Variants in ARSB observed in about 807,000 individuals in gnomAD.
The protein encoded by ARSB is arylsulfatase B.
ARSB carries 41 observed loss-of-function variants against 50.9 expected under a neutral mutation model. That is an observed-to-expected ratio of 0.81 (90% CI 0.63 to 1.04). ARSB has a LOEUF of 1.04. Ranked by LOEUF, ARSB falls within the 50% of genes least tolerant of loss-of-function variation. The pLI, the probability that ARSB is intolerant of heterozygous loss-of-function variation, is 0.00. For synonymous variants in ARSB, 269 were observed against 284.8 expected, an observed-to-expected ratio of 0.94 and a Z score of 0.56; for missense variants, 672 against 693.3, an observed-to-expected ratio of 0.97 and a Z score of 0.35.
chr5:78,819,071 T>C (rs575726717), intron 6 of ARSB, among the ~76,000 whole-genome samples: 1 of 152,256 alleles, frequency 6.6e-6, no homozygotes, highest in East Asian at 1.9e-4. Flanking sequence ...TGAGATTTCC[T>C]TTGCTGTTAG....
rs571015551 is a variant in ARSB, at chr5:78,958,006, A to T, written c.691-2504T>A. Among the ~76,000 whole-genome samples the T allele has an allele frequency of 2.0e-5, 3 of 151,568 alleles. No homozygotes were observed. The South Asian group carries it at 6.3e-4, about 32-fold the overall frequency. On this transcript the variant is annotated intron_variant, in intron 3 of 7. Transcript: ENST00000264914. Reference sequence around the variant, plus strand: ...ATATCACATCGATCTGTTTTTATATAAAAAAACTTTTTTGGAAAAATCAGA... The same window carrying T: ...ATATCACATCGATCTGTTTTTATATTAAAAAACTTTTTTGGAAAAATCAGA...
At chr5:78,791,574 G>A (rs1341286278) in intron 6 of ARSB, among the ~76,000 whole-genome samples, 1 of 152,202 alleles carries the variant, frequency 6.6e-6, no homozygotes, top group Non-Finnish European at 1.5e-5. Flanking sequence ...GAGCGACTGC[G>A]CTGGTGCACA....
intron 6 of ARSB, among the ~76,000 whole-genome samples, chr5:78,828,410 CA>C (rs1744529184): frequency 6.6e-6 from 1 of 152,146 alleles, no homozygotes; most frequent in African/African-American, 2.4e-5. Flanking sequence ...CTTTGTCCCC[CA>C]AATAGGCTCA....
intron 4 of ARSB, among the ~76,000 whole-genome samples, chr5:78,939,556 G>C (rs959416403): frequency 5.5e-4 from 83 of 152,150 alleles, no homozygotes; most frequent in Middle Eastern, 3.4e-3. Flanking sequence ...CTTTGCGATA[G>C]ATTGCTGAAA....
intron 4 of ARSB, among the ~76,000 whole-genome samples, chr5:78,893,574 C>T (rs889795580): frequency 2.6e-5 from 4 of 152,186 alleles, no homozygotes; most frequent in Admixed American, 6.5e-5. Context: ...AACGTTTATT[C>T]TCTACAAGTT....
chr5:78,809,529 A>C (rs1490499686), intron 6 of ARSB, among the ~76,000 whole-genome samples: 3 of 152,252 alleles, frequency 2.0e-5, no homozygotes, highest in African/African-American at 7.2e-5. Flanking sequence ...GAGCACGTTC[A>C]GGGAGGAGGG....
At chr5:78,796,889 T>C (rs1463225629) in intron 6 of ARSB, among the ~76,000 whole-genome samples, 1 of 149,500 alleles carries the variant, frequency 6.7e-6, no homozygotes, top group Non-Finnish European at 1.5e-5. Context: ...CTTTTTTTTT[T>C]TTTTTTGAGA....
At chr5:78,870,148 G>A (rs2112145707) in intron 5 of ARSB, among the ~76,000 whole-genome samples, 1 of 148,240 alleles carries the variant, frequency 6.7e-6, no homozygotes, top group East Asian at 2.0e-4. Context: ...CCAATAACAG[G>A]AGCTGAAATT....
intron 6 of ARSB, chr5:78,817,050 T>C (rs1161584631): frequency 1.0e-6 from 1 of 982,794 alleles, no homozygotes; most frequent in Non-Finnish European, 1.2e-6. Flanking sequence ...TATACAGCGA[T>C]AGGAAATAAA....
chr5:78,957,764 T>C (rs1375435960), intron 3 of ARSB, among the ~76,000 whole-genome samples: 2 of 151,990 alleles, frequency 1.3e-5, no homozygotes, highest in African/African-American at 4.8e-5. Flanking sequence ...CTGGGGGTGA[T>C]GAAGGTCTTG....
intron 4 of ARSB, among the ~76,000 whole-genome samples, chr5:78,933,524 G>A (rs1331353054): frequency 6.6e-6 from 1 of 152,176 alleles, no homozygotes; most frequent in Non-Finnish European, 1.5e-5. Context: ...AATGGCGATA[G>A]AGTCGCTATT....
chr5:78,917,350 C>T (rs1454212392), intron 4 of ARSB, among the ~76,000 whole-genome samples: 1 of 152,156 alleles, frequency 6.6e-6, no homozygotes, highest in Non-Finnish European at 1.5e-5. Context: ...CATTACTTCT[C>T]TCTCATTATC....
chr5:78,855,893 T>C (rs1310700463), intron 5 of ARSB, among the ~76,000 whole-genome samples: 2 of 152,226 alleles, frequency 1.3e-5, no homozygotes, highest in East Asian at 1.9e-4. Flanking sequence ...CCATTCTCTA[T>C]GTGGCCATCC....
chr5:78,875,714 C>G (rs1346572842), intron 5 of ARSB, among the ~76,000 whole-genome samples: 4 of 151,768 alleles, frequency 2.6e-5, no homozygotes, highest in Non-Finnish European at 5.9e-5. Context: ...TTTACCCAGG[C>G]TGAAGTGCAG....
chr5:78,872,323 C>T (rs1052930991), intron 5 of ARSB, among the ~76,000 whole-genome samples: 1 of 151,150 alleles, frequency 6.6e-6, no homozygotes, highest in Non-Finnish European at 1.5e-5. Flanking sequence ...TGGGCATATA[C>T]CCAAATGACT....
chr5:78,852,356 C>A (rs1436768977), intron 5 of ARSB, among the ~76,000 whole-genome samples: 4 of 152,266 alleles, frequency 2.6e-5, no homozygotes, highest in Admixed American at 2.6e-4. Flanking sequence ...GTTGAAAATT[C>A]TTTTCTTTAA....
intron 1 of ARSB, among the ~76,000 whole-genome samples, chr5:78,973,670 T>C (rs1416315177): frequency 6.6e-6 from 1 of 152,194 alleles, no homozygotes; most frequent in African/African-American, 2.4e-5. Flanking sequence ...GACAGTCAAT[T>C]GATTAGTTAT....
chr5:78,874,028 G>C (rs1320672119), intron 5 of ARSB, among the ~76,000 whole-genome samples: 1 of 152,112 alleles, frequency 6.6e-6, no homozygotes, highest in African/African-American at 2.4e-5. Context: ...GCTGATATTA[G>C]ACTTATCAAC....
chr5:78,938,360 A>G (rs541574167), intron 4 of ARSB, among the ~76,000 whole-genome samples: 1 of 152,358 alleles, frequency 6.6e-6, no homozygotes, highest in East Asian at 1.9e-4. Flanking sequence ...GGTGAAATCT[A>G]AAGAGGTGGC....
Sources: gnomAD v4.1 joint callset for allele counts (sites outside exome capture counted in the v4.1 genomes callset) on GRCh38, gnomAD v4.1.1 for gene constraint, MANE v1.5 for transcripts, NCBI Gene and HGNC (gene_info 2026-07-23, HGNC 2026-07-21) for gene names.